The following HS3ST4 variants were observed in gnomAD, a reference collection of about 807,000 sequenced individuals.
HS3ST4 encodes the protein heparan sulfate glucosamine 3-O-sulfotransferase 4.
Under a neutral mutation model 29.2 loss-of-function variants are expected in HS3ST4, and 17 were observed. The observed-to-expected ratio is 0.58, with a 90% CI of 0.40 to 0.87. The LOEUF (loss-of-function observed/expected upper bound fraction) is 0.87. Ranked by LOEUF, HS3ST4 falls within the 40% of genes least tolerant of loss-of-function variation. The pLI, the probability that HS3ST4 is intolerant of heterozygous loss-of-function variation, is 0.00. For synonymous variants in HS3ST4, 314 were observed against 285.7 expected (o/e 1.10, Z -1.00); for missense variants, 627 against 634.5 (o/e 0.99, Z 0.13).
chr16:26,063,556 G>A (rs1358665535), intron 1 of HS3ST4, among the ~76,000 whole-genome samples: 1 of 151,946 alleles, frequency 6.6e-6, no homozygotes, highest in South Asian at 2.1e-4. Flanking sequence ...AATTAGCTAG[G>A]TGTGGTGGTG....
At chr16:25,762,876 C>CAAAAAAA (rs67260535) in intron 1 of HS3ST4, among the ~76,000 whole-genome samples, 11 of 60,456 alleles carry the variant, frequency 1.8e-4, no homozygotes, top group African/African-American at 4.8e-4. Flanking sequence ...GACCCTGTCT[C>CAAAAAAA]AAAAAAAAAA....
intron 1 of HS3ST4, among the ~76,000 whole-genome samples, chr16:26,075,482 A>G (rs958829223): frequency 1.3e-5 from 2 of 152,264 alleles, no homozygotes; most frequent in Non-Finnish European, 2.9e-5. Context: ...TGATGAATGA[A>G]TAACAGAGTA....
intron 1 of HS3ST4, among the ~76,000 whole-genome samples, chr16:25,862,765 T>G (rs1352136216): frequency 7.2e-5 from 11 of 152,280 alleles, no homozygotes; most frequent in Non-Finnish European, 1.5e-5. Context: ...CTTTATTTGG[T>G]GCATGTGCAC....
intron 1 of HS3ST4, among the ~76,000 whole-genome samples, chr16:25,801,474 C>T (rs1966933754): frequency 1.3e-5 from 2 of 152,116 alleles, no homozygotes; most frequent in Admixed American, 1.3e-4. Flanking sequence ...TTGACAAATA[C>T]AATTTGGACA....
Position 25,832,928 on chromosome 16 carries a change from G to A in HS3ST4, c.734+139777G>A, listed in dbSNP as rs534699722. Among the ~76,000 whole-genome samples the A allele has an allele frequency of 3.3e-5, 5 of 152,276 alleles. No homozygotes were observed. The East Asian group carries it at 9.6e-4, about 29-fold the overall frequency. On this transcript the variant is annotated intron_variant, in intron 1 of 1. Transcript: ENST00000331351. ...ATGGCTTCTGAATGTGAATGGTCTG[G>A]GTCTGGCTGGTTGTAGAAAAGCCCC...
intron 1 of HS3ST4, among the ~76,000 whole-genome samples, chr16:25,728,279 C>T (rs748059202): frequency 1.1e-4 from 17 of 152,266 alleles, no homozygotes; most frequent in Middle Eastern, 6.8e-3. Context: ...GGATTACAGG[C>T]GTGAGCCACT....
chr16:25,833,632 A>T (rs150488071), intron 1 of HS3ST4, among the ~76,000 whole-genome samples: 207 of 152,288 alleles, frequency 1.4e-3, no homozygotes, highest in African/African-American at 4.6e-3. Context: ...TTCTGTGAAC[A>T]TGAAGTGAGA....
At chr16:25,773,331 G>A (rs1457453424) in intron 1 of HS3ST4, among the ~76,000 whole-genome samples, 2 of 152,156 alleles carry the variant, frequency 1.3e-5, no homozygotes, top group South Asian at 2.1e-4. Flanking sequence ...TGGGAGTGGG[G>A]TCTACCGTGG....
intron 1 of HS3ST4, among the ~76,000 whole-genome samples, chr16:25,705,903 A>G (rs1394315703): frequency 6.6e-6 from 1 of 152,166 alleles, no homozygotes. Flanking sequence ...CTTAGTCTAC[A>G]TATGTTAGTT....
chr16:25,814,016 A>G lies in HS3ST4; in HGVS notation c.734+120865A>G, dbSNP rs180751230. Among the ~76,000 whole-genome samples, 6 of 152,336 alleles carry G rather than the reference A, an allele frequency of 3.9e-5. No individual in the cohort carries two copies. The East Asian group carries it at 1.2e-3, about 29-fold the overall frequency. ...CAAATGAAGCCAGACCCAAAAAGAT[A>G]GTTACAGCTGATAATATTTATCTAT... is the stretch of plus-strand genomic sequence containing the variant. On this transcript the variant is annotated intron_variant, in intron 1 of 1. Coordinates refer to ENST00000331351, the MANE Select transcript of HS3ST4 (RefSeq NM_006040.3).
intron 1 of HS3ST4, among the ~76,000 whole-genome samples, chr16:25,982,644 A>C (rs1969019677): frequency 6.6e-6 from 1 of 152,162 alleles, no homozygotes; most frequent in African/African-American, 2.4e-5. Flanking sequence ...CCTCGTCAAC[A>C]TAGTGAGACC....
intron 1 of HS3ST4, among the ~76,000 whole-genome samples, chr16:25,950,819 G>A (rs1968676852): frequency 6.6e-6 from 1 of 152,078 alleles, no homozygotes. Flanking sequence ...CACCTCCGGG[G>A]GTTGTCATGA....
chr16:26,118,704 A>C (rs1462706384), intron 1 of HS3ST4, among the ~76,000 whole-genome samples: 1 of 152,224 alleles, frequency 6.6e-6, no homozygotes, highest in African/African-American at 2.4e-5. Context: ...CAGCTGTACA[A>C]AGATCTGGGG....
At chr16:26,043,463 G>A (rs892688015) in intron 1 of HS3ST4, among the ~76,000 whole-genome samples, 1 of 152,188 alleles carries the variant, frequency 6.6e-6, no homozygotes, top group African/African-American at 2.4e-5. Flanking sequence ...CCTAGCTGCT[G>A]TGTGATCTGG....
chr16:26,099,360 G>A (rs1898966112), intron 1 of HS3ST4, among the ~76,000 whole-genome samples: 2 of 152,054 alleles, frequency 1.3e-5, no homozygotes, highest in Non-Finnish European at 1.5e-5. Flanking sequence ...CTCGCTATAT[G>A]GCCCAGACTG....
At chr16:26,086,358 T>TC (rs1451945108) in intron 1 of HS3ST4, among the ~76,000 whole-genome samples, 1 of 110,684 alleles carries the variant, frequency 9.0e-6, no homozygotes, top group African/African-American at 3.4e-5. Context: ...TCTTTTTTTT[T>TC]CTTTTTTTTG....
chr16:25,873,365 GCAAGCCATCCAGTCA>G (rs1967780229), intron 1 of HS3ST4, among the ~76,000 whole-genome samples: 32 of 98,532 alleles, frequency 3.2e-4, no homozygotes, highest in African/African-American at 1.2e-3. Flanking sequence ...CATCCACCTA[GCAAGCCATCCAGTCA>G]TCCATCCATC....
At chr16:25,757,125 A>G (rs9788855) in intron 1 of HS3ST4, among the ~76,000 whole-genome samples, 2 of 152,102 alleles carry the variant, frequency 1.3e-5, no homozygotes, top group Non-Finnish European at 2.9e-5. Flanking sequence ...TCCTAGGAGG[A>G]CACTGTTTAC....
intron 1 of HS3ST4, among the ~76,000 whole-genome samples, chr16:25,777,842 C>A (rs1486483538): frequency 6.6e-6 from 1 of 151,514 alleles, no homozygotes; most frequent in Non-Finnish European, 1.5e-5. Flanking sequence ...TGTAGACCTC[C>A]AATATGCCAA....
Sources: gnomAD v4.1 joint callset for allele counts (sites outside exome capture counted in the v4.1 genomes callset) on GRCh38, gnomAD v4.1.1 for gene constraint, MANE v1.5 for transcripts, NCBI Gene and HGNC (gene_info 2026-07-23, HGNC 2026-07-21) for gene names.